Variants in TUBD1 observed in about 807,000 individuals in gnomAD.
TUBD1 encodes the protein tubulin delta 1.
Under a neutral mutation model 51.2 loss-of-function variants are expected in TUBD1, and 38 were observed. The observed-to-expected ratio is 0.74, with a 90% CI of 0.57 to 0.97. The LOEUF (loss-of-function observed/expected upper bound fraction) is 0.97, where lower values mean the gene tolerates loss of function less well. Ranked by LOEUF, TUBD1 falls within the 50% of genes least tolerant of loss-of-function variation. The pLI, the probability that TUBD1 is intolerant of heterozygous loss-of-function variation, is 0.00. For missense variants in TUBD1, 489 were observed against 538.4 expected (o/e 0.91, Z 0.91); for synonymous variants, 169 against 178.2 (o/e 0.95, Z 0.41).
chr17:59,867,474 G>A (rs2039760928), intron 6 of TUBD1, among the ~76,000 whole-genome samples: 1 of 152,136 alleles, frequency 6.6e-6, no homozygotes, highest in Non-Finnish European at 1.5e-5. Context: ...TTGGTAGGCT[G>A]CGCTGGGAGG....
In TUBD1 at chr17:59,886,139, A is replaced by G. The variant is rs751068232; in HGVS notation, c.264T>C (p.Tyr88=). 20 of 1,614,032 alleles carry G rather than the reference A, an allele frequency of 1.2e-5. No individual in the cohort carries two copies. Among genetic ancestry groups the G allele is most frequent in the South Asian group, 4.4e-5 (4 of 91,082 alleles). Residue 88 remains tyrosine (Y), a synonymous_variant, in exon 3 of 9, where the codon TAT becomes TAC. Transcript: ENST00000325752. Reference sequence around the variant, plus strand: ...TTTGACAGAAGCATGCATGTTGACCATATTTCCATTGGCCAGACTGGGCAG... The same window carrying G: ...TTTGACAGAAGCATGCATGTTGACCGTATTTCCATTGGCCAGACTGGGCAG... ...SKAAQSGQWK[Y]GQHACFCQKQ...
At chr17:59,880,598 T>C (rs2040439664) in intron 4 of TUBD1, among the ~76,000 whole-genome samples, 1 of 151,996 alleles carries the variant, frequency 6.6e-6, no homozygotes, top group South Asian at 2.1e-4. Context: ...CACTGCAAGC[T>C]CCGCCTCATG....
chr17:59,878,440 T>C, intron 4 of TUBD1, 106 bp from the exon 5 acceptor site: 1 of 749,196 alleles, frequency 1.3e-6, no homozygotes, highest in Non-Finnish European at 2.2e-6. Context: ...TCTGTCACTT[T>C]CTAGCCGTAT....
At chr17:59,868,799 T>C (rs545388779) in intron 6 of TUBD1, among the ~76,000 whole-genome samples, 2 of 151,968 alleles carry the variant, frequency 1.3e-5, no homozygotes, top group Admixed American at 1.3e-4. Context: ...ATTGCGCCAC[T>C]GCACTCCAGC....
chr17:59,887,917 C>G (rs927584352), intron 2 of TUBD1, among the ~76,000 whole-genome samples: 2 of 151,422 alleles, frequency 1.3e-5, no homozygotes, highest in Non-Finnish European at 2.9e-5. Context: ...CAGTGAGACA[C>G]TGTGCCCAGC....
At chr17:59,864,651 G>A (rs1043018588) in intron 7 of TUBD1, among the ~76,000 whole-genome samples, 4 of 151,118 alleles carry the variant, frequency 2.6e-5, no homozygotes, top group Admixed American at 1.3e-4. Context: ...ACAGGCACAC[G>A]CCACCATGCC....
chr17:59,891,362 C>T (rs1430620848), intron 1 of TUBD1, among the ~76,000 whole-genome samples: 1 of 99,886 alleles, frequency 1.0e-5, no homozygotes, highest in Admixed American at 9.3e-5. Context: ...AACTCTTGAC[C>T]TCGTGATCCA....
rs2144502881 is a variant in TUBD1 at position 59,874,654 on chromosome 17, A to G, written c.819T>C (p.Ser273=). ...CAGACATGTGAGGAATGTTACGAAC[A>G]CTCAGCATCTTGAATTCAGGATGGG... ...LVPHPEFKML[S]VRNIPHMSEN... is the part of the protein sequence containing the mutation. Residue 273 remains serine (S), a synonymous_variant, in exon 6 of 9, where the codon AGT becomes AGC. Transcript: ENST00000325752. 1.9e-6 allele frequency: 3 copies of G among 1,613,648 alleles called. No individual in the cohort carries two copies. Among genetic ancestry groups the G allele is most frequent in the Non-Finnish European group, 2.5e-6 (3 of 1,179,942 alleles).
chr17:59,872,822 A>G (rs956619723), intron 6 of TUBD1, among the ~76,000 whole-genome samples: 1 of 151,398 alleles, frequency 6.6e-6, no homozygotes, highest in Non-Finnish European at 1.5e-5. Context: ...GCTGGAATGC[A>G]ATGGCACTAT....
chr17:59,866,739 C>T lies in TUBD1; in HGVS notation c.945G>A (p.Arg315=), dbSNP rs760769543. Residue 315 remains arginine (R), a synonymous_variant, in exon 7 of 9, where the codon AGG becomes AGA. Transcript: ENST00000325752. ...SNAKMEEGID[R]HVWPPLSGLP... is the part of the protein sequence containing the mutation. ...GTCCTGATAAAGGAGGCCATACATGCCTATCAATACCTACCAAAAGAAAAA... is the reference window on the plus strand; with the variant it reads ...GTCCTGATAAAGGAGGCCATACATGTCTATCAATACCTACCAAAAGAAAAA... 1.4e-5 allele frequency: 23 copies of T among 1,590,764 alleles called. No individual in the cohort carries two copies. Among genetic ancestry groups the T allele is most frequent in the African/African-American group, 2.7e-5 (2 of 73,210 alleles).
intron 6 of TUBD1, among the ~76,000 whole-genome samples, chr17:59,870,372 C>CAAAAAAAAAAAAAAAAAA (rs530315478): frequency 1.3e-5 from 1 of 77,982 alleles, no homozygotes; most frequent in Non-Finnish European, 2.6e-5. Flanking sequence ...CTCCATCTCA[C>CAAAAAAAAAAAAAAAAAA]AAAAAAAAAA....
intron 4 of TUBD1, chr17:59,878,542 T>A: frequency 6.0e-6 from 3 of 496,672 alleles, no homozygotes; most frequent in Non-Finnish European, 1.1e-5. Context: ...TGGAGTACAG[T>A]GGCACCATCT....
At chr17:59,870,794 A>G (rs1446466903) in intron 6 of TUBD1, among the ~76,000 whole-genome samples, 10 of 152,202 alleles carry the variant, frequency 6.6e-5, no homozygotes, top group Admixed American at 6.6e-4. Flanking sequence ...AGATCACCTT[A>G]CTGTGAAACC....
chr17:59,892,196 T>C (rs2041120869), intron 1 of TUBD1, among the ~76,000 whole-genome samples: 1 of 152,166 alleles, frequency 6.6e-6, no homozygotes, highest in Non-Finnish European at 1.5e-5. Context: ...AAAGATTTTG[T>C]GTTTAGCTCA....
At chr17:59,875,004 C>T (rs890447442) in intron 5 of TUBD1, among the ~76,000 whole-genome samples, 1 of 148,702 alleles carries the variant, frequency 6.7e-6, no homozygotes, top group Non-Finnish European at 1.5e-5. Flanking sequence ...AAACTCCAGG[C>T]AAACAAAGTA....
At chr17:59,877,998 A>C (rs1374675963) in intron 5 of TUBD1, 105 bp downstream of exon 5, 2 of 864,572 alleles carry the variant, frequency 2.3e-6, no homozygotes, top group Non-Finnish European at 3.5e-6. Context: ...TGAGATGAGC[A>C]AGACTTAAGT....
intron 4 of TUBD1, among the ~76,000 whole-genome samples, chr17:59,879,348 G>C (rs2040377678): frequency 6.6e-6 from 1 of 151,962 alleles, no homozygotes; most frequent in Non-Finnish European, 1.5e-5. Context: ...ATGGCACCAT[G>C]AATCCCAACA....
chr17:59,889,197 C>T (rs1187246314), intron 2 of TUBD1, among the ~76,000 whole-genome samples: 2 of 142,964 alleles, frequency 1.4e-5, no homozygotes, highest in South Asian at 2.3e-4. Flanking sequence ...TATTTTTAGT[C>T]GAGACGGGGT....
intron 8 of TUBD1, 79 bp from the exon 9 acceptor site, chr17:59,860,503 A>T (rs1023901187): frequency 1.2e-6 from 1 of 852,296 alleles, no homozygotes; most frequent in South Asian, 1.6e-5. Context: ...CAATAAACAG[A>T]CCTTTTCTAG....
Sources: allele counts gnomAD v4.1 joint callset (sites outside exome capture counted in the v4.1 genomes callset), GRCh38; gene constraint gnomAD v4.1.1; transcripts MANE v1.5; gene names NCBI Gene and HGNC (gene_info 2026-07-23, HGNC 2026-07-21).